The following CLSTN2 variants were observed in gnomAD, a reference collection of about 807,000 sequenced individuals.
CLSTN2 encodes calsyntenin 2, also known as calsyntenin-2.
A neutral mutation model predicts 101.2 loss-of-function variants in CLSTN2; 48 were observed. The ratio of observed to expected loss-of-function variants is 0.47; its 90% CI spans 0.38 to 0.60. The LOEUF (loss-of-function observed/expected upper bound fraction) is 0.60, where lower values mean the gene tolerates loss of function less well. CLSTN2 is among the 20% of genes least tolerant of loss of function. The pLI is 0.00. For missense variants in CLSTN2, 1,160 were observed against 1,238.2 expected (o/e 0.94, Z 0.95); for synonymous variants, 481 against 463.6 (o/e 1.04, Z -0.48).
chr3:140,027,546 C>T (rs1229828854), intron 1 of CLSTN2, among the ~76,000 whole-genome samples: 1 of 152,130 alleles, frequency 6.6e-6, no homozygotes, highest in Non-Finnish European at 1.5e-5. Flanking sequence ...TGTTTCAAGC[C>T]TCCCAGTTTG....
chr3:140,458,163 TAGG>T (rs1161603335), intron 6 of CLSTN2, among the ~76,000 whole-genome samples: 1 of 136,688 alleles, frequency 7.3e-6, no homozygotes, highest in Non-Finnish European at 1.5e-5. Flanking sequence ...ATTTTAATGG[TAGG>T]AGATTTTTTT....
intron 2 of CLSTN2, among the ~76,000 whole-genome samples, chr3:140,301,558 A>G (rs909824217): frequency 2.0e-5 from 3 of 152,248 alleles, no homozygotes; most frequent in Non-Finnish European, 4.4e-5. Flanking sequence ...AGCAAAAACA[A>G]GTGAAAACAG....
At chr3:140,441,870 G>A (rs1189779998) in intron 5 of CLSTN2, among the ~76,000 whole-genome samples, 1 of 152,182 alleles carries the variant, frequency 6.6e-6, no homozygotes, top group Non-Finnish European at 1.5e-5. Context: ...AGGGCCCCAT[G>A]AAGCCCTCCC....
intron 2 of CLSTN2, among the ~76,000 whole-genome samples, chr3:140,378,545 G>T (rs2087944882): frequency 6.6e-6 from 1 of 152,206 alleles, no homozygotes; most frequent in Admixed American, 6.5e-5. Context: ...TTTATTGTTG[G>T]TGCTATAATA....
At chr3:140,489,430 T>G (rs1459411261) in intron 8 of CLSTN2, among the ~76,000 whole-genome samples, 1 of 152,138 alleles carries the variant, frequency 6.6e-6, no homozygotes, top group Non-Finnish European at 1.5e-5. Context: ...CCTATGGCAG[T>G]GAGTGAGGCT....
chr3:140,477,054 A>C (rs1200824715), intron 8 of CLSTN2, among the ~76,000 whole-genome samples: 1 of 152,284 alleles, frequency 6.6e-6, no homozygotes, highest in East Asian at 1.9e-4. Flanking sequence ...GCTGGAGCCA[A>C]CTTCCCAGGG....
Position 140,131,280 on chromosome 3 carries a change from G to T in CLSTN2, c.110-44671G>T, listed in dbSNP as rs112164665. 6.1e-3 allele frequency among the ~76,000 whole-genome samples: 884 copies of T among 145,314 alleles called. 5 individuals carry two copies. The highest frequency in any genetic ancestry group is 0.02 in the African/African-American group (827 of 40,376). On this transcript the variant is annotated intron_variant, in intron 1 of 16. Transcript: ENST00000458420. ...TTTCAAATCCAAAATTTTGAAGAAGGTTGCAAAGAATGAGTTTCTTTATGA... is the reference window on the plus strand; with the variant it reads ...TTTCAAATCCAAAATTTTGAAGAAGTTTGCAAAGAATGAGTTTCTTTATGA...
At chr3:140,074,135 T>TC (rs1491143120) in intron 1 of CLSTN2, among the ~76,000 whole-genome samples, 2 of 151,552 alleles carry the variant, frequency 1.3e-5, no homozygotes, top group Non-Finnish European at 2.9e-5. Context: ...GCTGTTTTGC[T>TC]TTTTTTTTCC....
intron 5 of CLSTN2, among the ~76,000 whole-genome samples, chr3:140,422,363 C>A (rs559772717): frequency 3.3e-5 from 5 of 152,236 alleles, no homozygotes; most frequent in Admixed American, 2.6e-4. Context: ...CATTCCTAAT[C>A]CAATTCATCA....
chr3:139,980,969 T>C (rs9289594), intron 1 of CLSTN2, among the ~76,000 whole-genome samples: 101,227 of 151,846 alleles, frequency 0.67, 35,691 homozygotes, highest in Non-Finnish European at 0.78. Context: ...TCTTGTAACT[T>C]GTGCCTAGAT....
Position 140,567,248 on chromosome 3 carries a change from G to C in CLSTN2, c.*995G>C, listed in dbSNP as rs559146116. The C allele has an allele frequency of 6.6e-6, 1 of 152,212 alleles. No individual in the cohort carries two copies. The highest frequency in any genetic ancestry group is 1.5e-5 in the Non-Finnish European group (1 of 68,056). The allele number at this position is 152,212 out of a possible 1,614,324, so 9.4% of individuals were successfully genotyped here. ...TCCCCCAGGACAGAGGGGACCCTGA[G>C]GTTGGCAAGGCTCTCACCACTCAGC... On this transcript the variant is annotated 3_prime_UTR_variant, in exon 17 of 17. Coordinates refer to ENST00000458420, the MANE Select transcript of CLSTN2 (RefSeq NM_022131.3).
At chr3:140,130,959 CT>C (rs1342521530) in intron 1 of CLSTN2, among the ~76,000 whole-genome samples, 7 of 152,176 alleles carry the variant, frequency 4.6e-5, no homozygotes, top group Non-Finnish European at 8.8e-5. Context: ...TTTCATTGGA[CT>C]GAGTTTCTCC....
At chr3:140,402,234 A>G (rs929309141) in intron 2 of CLSTN2, among the ~76,000 whole-genome samples, 1 of 152,174 alleles carries the variant, frequency 6.6e-6, no homozygotes, top group African/African-American at 2.4e-5. Context: ...TGGAATGTAG[A>G]GAGTTTCTCC....
chr3:140,175,405 G>T (rs2010307769), intron 1 of CLSTN2, among the ~76,000 whole-genome samples: 2 of 151,730 alleles, frequency 1.3e-5, no homozygotes, highest in African/African-American at 4.8e-5. Flanking sequence ...TTTTATCTTT[G>T]CATATATAAT....
At chr3:140,488,536 C>T (rs1015249142) in intron 8 of CLSTN2, among the ~76,000 whole-genome samples, 6 of 151,242 alleles carry the variant, frequency 4.0e-5, no homozygotes, top group African/African-American at 1.2e-4. Flanking sequence ...TTGGCCATCA[C>T]GGTCTCACAC....
chr3:140,541,637 T>A (rs921354507), intron 9 of CLSTN2, among the ~76,000 whole-genome samples: 2 of 152,188 alleles, frequency 1.3e-5, no homozygotes, highest in African/African-American at 2.4e-5. Context: ...TGCCTAGATG[T>A]ACCAGGCCAG....
In CLSTN2 at chr3:140,479,937, AATAAAG is replaced by A. The variant is rs1390330567; in HGVS notation, c.1344+13212_1344+13217del. Among the ~76,000 whole-genome samples, 8 of 151,694 alleles carry A rather than the reference AATAAAG, an allele frequency of 5.3e-5. No homozygotes were observed. In the East Asian group the frequency reaches 7.8e-4, roughly 15 times the overall value. On this transcript the variant is annotated intron_variant, in intron 8 of 16. Coordinates refer to ENST00000458420, the MANE Select transcript of CLSTN2 (RefSeq NM_022131.3). ...TATCCTCAACCTGTTGATGACCGAA[AATAAAG>A]ATAAACTCTTTTTTTTTTATTATTA...
chr3:140,300,589 C>T (rs774023642), intron 2 of CLSTN2, among the ~76,000 whole-genome samples: 14 of 152,178 alleles, frequency 9.2e-5, no homozygotes, highest in South Asian at 2.1e-4. Context: ...GAGGTAGGTT[C>T]CCAGATGTGC....
chr3:140,016,114 G>A (rs2007194782), intron 1 of CLSTN2, among the ~76,000 whole-genome samples: 1 of 152,196 alleles, frequency 6.6e-6, no homozygotes, highest in Non-Finnish European at 1.5e-5. Context: ...AGACAGGGTA[G>A]TGGCATGTGC....
Sources: gnomAD v4.1 joint callset for allele counts (sites outside exome capture counted in the v4.1 genomes callset) on GRCh38, gnomAD v4.1.1 for gene constraint, MANE v1.5 for transcripts, NCBI Gene and HGNC (gene_info 2026-07-23, HGNC 2026-07-21) for gene names.